Variants in AGPAT2 observed in about 807,000 individuals in gnomAD.
AGPAT2 encodes 1-acylglycerol-3-phosphate O-acyltransferase 2.
In AGPAT2, 18 loss-of-function variants were observed where a neutral mutation model predicts 26.1. The observed-to-expected ratio is 0.69, with a 90% CI of 0.48 to 1.02. The LOEUF is 1.02. Among genes scored for constraint, AGPAT2 ranks in the 50% least tolerant of loss-of-function variants. The probability of loss-of-function intolerance (pLI) is 0.00; values close to 1 mark genes in which losing one functional copy is unlikely to be tolerated. For missense variants in AGPAT2, 415 were observed against 394.9 expected, an observed-to-expected ratio of 1.05 and a Z score of -0.43; for synonymous variants, 200 against 174.2, an observed-to-expected ratio of 1.15 and a Z score of -1.16.
chr9:136,674,208 C>T (rs1202428681), intron 5 of AGPAT2, among the ~76,000 whole-genome samples: 1 of 152,244 alleles, frequency 6.6e-6, no homozygotes, highest in Non-Finnish European at 1.5e-5. Context: ...CAGCCCCTAC[C>T]TCACTGCCTG....
At chr9:136,678,302 G>A (rs1161465715) in intron 1 of AGPAT2, among the ~76,000 whole-genome samples, 1 of 152,176 alleles carries the variant, frequency 6.6e-6, no homozygotes, top group East Asian at 1.9e-4. Flanking sequence ...TGGAGCACCT[G>A]CAAATGTGAG....
intron 1 of AGPAT2, among the ~76,000 whole-genome samples, chr9:136,680,052 G>A (rs956574789): frequency 1.2e-4 from 18 of 152,306 alleles, no homozygotes; most frequent in Non-Finnish European, 2.4e-4. Context: ...GCTGGGGCGC[G>A]GGGAAAGAAC....
chr9:136,687,239 A>G lies in AGPAT2; in HGVS notation c.119T>C (p.Val40Ala), dbSNP rs972288593. 1.1e-5 allele frequency: 17 copies of G among 1,594,544 alleles called. No homozygotes were observed. In the African/African-American group the frequency reaches 2.1e-4, roughly 19 times the overall value. The change falls in exon 1 of 6, where the codon GTG (valine) becomes GCG (alanine). Residue 40 changes from valine (V) to alanine (A), a missense_variant. Transcript: ENST00000371696. ...GCAGACGAGCGAGGCCACGGCGGAC[A>G]CCGTGAAGCACAGCGCGCAGTACAG... Reference protein sequence around the residue: ...VALYCALCFTVSAVASLVCLL... With the variant: ...VALYCALCFTASAVASLVCLL...
chr9:136,674,741 TGAA>T lies in AGPAT2; in HGVS notation c.652_654del (p.Phe218del). The T allele has an allele frequency of 2.7e-6, 4 of 1,498,884 alleles. No homozygotes were observed. Among genetic ancestry groups the T allele is most frequent in the Non-Finnish European group, 3.6e-6 (4 of 1,118,550 alleles). 92.8% of individuals were successfully genotyped at this position (1,498,884 alleles called of 1,614,324 possible). ...TGCACACATGTGGGGGTACCTGAAG[TGAA>T]GAACTTCTTCTTGGTGTTGTAGAAG... On this transcript the variant is annotated inframe_deletion, in exon 5 of 6. Transcript: ENST00000371696.
intron 4 of AGPAT2, among the ~76,000 whole-genome samples, chr9:136,676,359 G>A (rs1434295645): frequency 6.6e-6 from 1 of 152,254 alleles, no homozygotes; most frequent in Non-Finnish European, 1.5e-5. Flanking sequence ...AGGGCAGCTG[G>A]TCACTCTGGG....
intron 1 of AGPAT2, among the ~76,000 whole-genome samples, chr9:136,680,150 G>C (rs1846141336): frequency 6.6e-6 from 1 of 152,242 alleles, no homozygotes; most frequent in African/African-American, 2.4e-5. Flanking sequence ...AAAGCTAGCT[G>C]CCTGCAGGAG....
chr9:136,676,763 CA>C lies in AGPAT2; in HGVS notation c.493-84del, dbSNP rs1846095358. On this transcript the variant is annotated intron_variant, in intron 3 of 5. Coordinates refer to ENST00000371696, the MANE Select transcript of AGPAT2 (RefSeq NM_006412.4). Reference sequence around the variant, plus strand: ...CGCCGCCTCGCCTCCTAAGAAGCCCCACTTCGCAAAGCAGCTGGCATGGGAC... The same window carrying C: ...CGCCGCCTCGCCTCCTAAGAAGCCCCCTTCGCAAAGCAGCTGGCATGGGAC... The C allele has an allele frequency of 9.9e-6, 14 of 1,418,854 alleles. No homozygotes were observed. The East Asian group carries it at 3.0e-4, about 31-fold the overall frequency. The allele number at this position is 1,418,854 out of a possible 1,614,324, so 87.9% of individuals were successfully genotyped here.
At chr9:136,683,082 G>GGGGGGGGGGGGGGGGGGGGGGGA (rs1588267940) in intron 1 of AGPAT2, among the ~76,000 whole-genome samples, 1 of 132,516 alleles carries the variant, frequency 7.5e-6, no homozygotes, top group Admixed American at 7.6e-5. Context: ...GGGAGGGGGG[G>GGGGGGGGGGGGGGGGGGGGGGGA]AAGAATCCAA....
At chr9:136,681,994 C>T (rs1317749478) in intron 1 of AGPAT2, among the ~76,000 whole-genome samples, 1 of 152,186 alleles carries the variant, frequency 6.6e-6, no homozygotes, top group African/African-American at 2.4e-5. Flanking sequence ...TTTGTTCTGA[C>T]AGTAACCCCC....
At chr9:136,681,438 CTTCCCCCGCGGT>C (rs1415542101) in intron 1 of AGPAT2, among the ~76,000 whole-genome samples, 2 of 152,244 alleles carry the variant, frequency 1.3e-5, no homozygotes, top group African/African-American at 4.8e-5. Flanking sequence ...GGCCACCGCA[CTTCCCCCGCGGT>C]GTCCCGTACA....
chr9:136,686,290 A>T (rs1473682607), intron 1 of AGPAT2, among the ~76,000 whole-genome samples: 1 of 152,210 alleles, frequency 6.6e-6, no homozygotes, highest in African/African-American at 2.4e-5. Flanking sequence ...CCATTGCAAA[A>T]GCCACTGGCT....
chr9:136,678,600 C>T (rs574965356), intron 1 of AGPAT2, among the ~76,000 whole-genome samples: 1 of 152,228 alleles, frequency 6.6e-6, no homozygotes, highest in East Asian at 1.9e-4. Flanking sequence ...AGACTAGTGC[C>T]CCCCACCATT....
At chr9:136,674,896 C>T (rs1299250621) in intron 4 of AGPAT2, 89 bp from the exon 5 acceptor site, 21 of 939,606 alleles carry the variant, frequency 2.2e-5, no homozygotes, top group Admixed American at 3.9e-5. Flanking sequence ...CCCTGTCCTG[C>T]GGCCCACCCA....
Position 136,675,673 on chromosome 9 carries a change from T to C in AGPAT2, c.589-866A>G, listed in dbSNP as rs562539493. Among the ~76,000 whole-genome samples the C allele has an allele frequency of 4.1e-3, 630 of 152,074 alleles. 5 individuals are homozygous for C. The Middle Eastern group carries it at 0.048, about 11-fold the overall frequency. On this transcript the variant is annotated intron_variant, in intron 4 of 5. Transcript: ENST00000371696. ...CCAGCCACCCCATCACAGCCGCCCG[T>C]CTCCCCTCTGCTCTCCCAGAGCTGA...
intron 3 of AGPAT2, 63 bp downstream of exon 3, chr9:136,676,898 G>A: frequency 6.3e-7 from 1 of 1,575,414 alleles, no homozygotes; most frequent in South Asian, 1.1e-5. Context: ...TCACAAGCTG[G>A]CCCCTGCCTG....
At chr9:136,678,169 A>C (rs575052983) in intron 1 of AGPAT2, among the ~76,000 whole-genome samples, 12 of 152,200 alleles carry the variant, frequency 7.9e-5, no homozygotes, top group African/African-American at 2.2e-4. Flanking sequence ...AGAGGCGGCG[A>C]GGGGCTCGGG....
At chr9:136,680,125 C>T (rs774949728) in intron 1 of AGPAT2, among the ~76,000 whole-genome samples, 1 of 152,278 alleles carries the variant, frequency 6.6e-6, no homozygotes, top group Non-Finnish European at 1.5e-5. Flanking sequence ...GCAGCCAAGA[C>T]ACACCTGCAA....
At position 136,673,649 on chromosome 9, in the gene AGPAT2, C is replaced by G; in HGVS notation, c.*103G>C. 7.8e-7 allele frequency: 1 copy of G among 1,282,910 alleles called. No homozygotes were observed. The highest frequency in any genetic ancestry group is 1.0e-6 in the Non-Finnish European group (1 of 958,362). The allele number at this position is 1,282,910 out of a possible 1,614,324, so 79.5% of individuals were successfully genotyped here. A position where few individuals can be genotyped will look rare whatever the true frequency, so the allele number is the denominator to read the frequency against. On this transcript the variant is annotated 3_prime_UTR_variant, in exon 6 of 6. Transcript: ENST00000371696. The stretch of plus-strand genomic sequence containing the variant: ...CGGGCTGAGTGAGAGCTGGGGGAGC[C>G]GGACAGAGTGGTATTTGGAAGCCGG...
chr9:136,674,009 C>T (rs1465858892), intron 5 of AGPAT2, 82 bp from the exon 6 acceptor site: 21 of 1,286,202 alleles, frequency 1.6e-5, no homozygotes, highest in Non-Finnish European at 2.1e-5. Flanking sequence ...CGCCTCTCCC[C>T]AGCCCCCCAC....
Sources: gnomAD v4.1 joint callset for allele counts (sites outside exome capture counted in the v4.1 genomes callset) on GRCh38, gnomAD v4.1.1 for gene constraint, MANE v1.5 for transcripts, NCBI Gene and HGNC (gene_info 2026-07-23, HGNC 2026-07-21) for gene names.